CNTNAP4: variants seen among roughly 807,000 people sequenced by gnomAD.
CNTNAP4 encodes the protein contactin associated protein family member 4.
Under a neutral mutation model 148.4 loss-of-function variants are expected in CNTNAP4, and 98 were observed. The ratio of observed to expected loss-of-function variants is 0.66; its 90% CI spans 0.56 to 0.78. The LOEUF (loss-of-function observed/expected upper bound fraction) is 0.78. Among genes scored for constraint, CNTNAP4 ranks in the 30% least tolerant of loss-of-function variants. The probability of loss-of-function intolerance (pLI) is 0.00; values close to 1 mark genes in which losing one functional copy is unlikely to be tolerated. For synonymous variants in CNTNAP4, 730 were observed against 565.1 expected, an observed-to-expected ratio of 1.29 and a Z score of -4.14; for missense variants, 1,935 against 1,565.6, an observed-to-expected ratio of 1.24 and a Z score of -3.98.
At chr16:76,398,371 C>T (rs2078285130) in intron 3 of CNTNAP4, among the ~76,000 whole-genome samples, 1 of 152,020 alleles carries the variant, frequency 6.6e-6, no homozygotes, top group African/African-American at 2.4e-5. Context: ...CAATATTAAC[C>T]ATCACAATAC....
chr16:76,300,995 T>C (rs1959903300), intron 1 of CNTNAP4, among the ~76,000 whole-genome samples: 1 of 152,008 alleles, frequency 6.6e-6, no homozygotes, highest in East Asian at 1.9e-4. Context: ...AGTGCCTAGG[T>C]GATGAACAAG....
At chr16:76,537,388 A>G (rs191069065) in intron 18 of CNTNAP4, among the ~76,000 whole-genome samples, 34 of 152,242 alleles carry the variant, frequency 2.2e-4, no homozygotes, top group African/African-American at 7.9e-4. Context: ...AGATTCAGGG[A>G]TTTAAAACTA....
chr16:76,502,885 G>T (rs1299273925), intron 15 of CNTNAP4, among the ~76,000 whole-genome samples: 1 of 151,860 alleles, frequency 6.6e-6, no homozygotes, highest in Non-Finnish European at 1.5e-5. Context: ...GAAAAATGTA[G>T]ATCAGCCATG....
intron 3 of CNTNAP4, among the ~76,000 whole-genome samples, chr16:76,416,708 G>A (rs1382090299): frequency 2.0e-5 from 3 of 151,404 alleles, no homozygotes; most frequent in African/African-American, 7.2e-5. Context: ...GTCTGCTGTT[G>A]TTGGGTGAAA....
At chr16:76,430,261 A>G (rs1419527830) in intron 4 of CNTNAP4, among the ~76,000 whole-genome samples, 3 of 152,228 alleles carry the variant, frequency 2.0e-5, no homozygotes, top group African/African-American at 7.2e-5. Flanking sequence ...GTAGGGAAGC[A>G]GGCACATGAA....
In CNTNAP4 at chr16:76,510,923, T is replaced by C. The variant is rs553809159; in HGVS notation, c.2366-10217T>C. Among the ~76,000 whole-genome samples the C allele has an allele frequency of 1.2e-4, 18 of 152,282 alleles. No individual in the cohort carries two copies. In the South Asian group the frequency reaches 3.5e-3, roughly 30 times the overall value. ...CCATACTGGTTTTTTTCACCTTGTA[T>C]GTGACTTGCTTTTTCTGTCTGAATA... On this transcript the variant is annotated intron_variant, in intron 15 of 23. Coordinates refer to ENST00000611870, the MANE Select transcript of CNTNAP4 (RefSeq NM_033401.5).
intron 1 of CNTNAP4, among the ~76,000 whole-genome samples, chr16:76,298,528 G>A (rs1959574061): frequency 7.5e-6 from 1 of 133,296 alleles, no homozygotes; most frequent in African/African-American, 2.6e-5. Context: ...GTGTGTGTGT[G>A]TGAGGTAAGG....
intron 3 of CNTNAP4, among the ~76,000 whole-genome samples, chr16:76,363,247 C>T (rs912515909): frequency 1.3e-5 from 2 of 150,328 alleles, no homozygotes; most frequent in Non-Finnish European, 2.9e-5. Context: ...ATTGCAACTT[C>T]TGCCTCCTGG....
In CNTNAP4 at chr16:76,520,180, C is replaced by T. The variant is rs546563928; in HGVS notation, c.2366-960C>T. 8.5e-5 allele frequency among the ~76,000 whole-genome samples: 13 copies of T among 152,302 alleles called. No homozygotes were observed. The East Asian group carries it at 2.5e-3, about 29-fold the overall frequency. ...AACTTGCTAGTGGCAGCAGACAATA[C>T]AGAGTTTGTTTCTCTGATTTTACTC... On this transcript the variant is annotated intron_variant, in intron 15 of 23. Transcript: ENST00000611870.
chr16:76,355,536 G>C (rs745487653), intron 3 of CNTNAP4, 25 bp downstream of exon 3: 1 of 1,545,930 alleles, frequency 6.5e-7, no homozygotes, highest in Admixed American at 2.0e-5. Context: ...AAAAGACATA[G>C]TCTCTCGGGG....
chr16:76,536,023 A>T (rs1009616767), intron 18 of CNTNAP4, among the ~76,000 whole-genome samples: 3 of 152,106 alleles, frequency 2.0e-5, no homozygotes, highest in Admixed American at 6.5e-5. Flanking sequence ...TTTATGAAAA[A>T]CTAGTGTTTG....
At chr16:76,470,666 A>G (rs2081336807) in intron 10 of CNTNAP4, among the ~76,000 whole-genome samples, 1 of 151,424 alleles carries the variant, frequency 6.6e-6, no homozygotes, top group African/African-American at 2.4e-5. Context: ...ACAAAAACAA[A>G]CAAACAAAAA....
chr16:76,450,253 G>A (rs796472198), intron 7 of CNTNAP4, among the ~76,000 whole-genome samples: 8 of 152,058 alleles, frequency 5.3e-5, no homozygotes, highest in African/African-American at 1.9e-4. Flanking sequence ...AGATTCAAGC[G>A]ATTCTCCTAC....
chr16:76,508,943 T>A (rs1369673489), intron 15 of CNTNAP4, among the ~76,000 whole-genome samples: 1 of 94,448 alleles, frequency 1.1e-5, no homozygotes, highest in Non-Finnish European at 3.0e-5. Flanking sequence ...AGTAGAGACG[T>A]GGTTTCACCA....
At chr16:76,400,165 G>A (rs1326958475) in intron 3 of CNTNAP4, among the ~76,000 whole-genome samples, 2 of 152,100 alleles carry the variant, frequency 1.3e-5, no homozygotes, top group Non-Finnish European at 2.9e-5. Flanking sequence ...AGATGAAGGA[G>A]CCAGTCAAGG....
intron 3 of CNTNAP4, among the ~76,000 whole-genome samples, chr16:76,383,425 C>T (rs1459973395): frequency 7.5e-6 from 1 of 133,848 alleles, no homozygotes; most frequent in Non-Finnish European, 1.6e-5. Flanking sequence ...TATCATGTAA[C>T]AACAGAGGGG....
chr16:76,391,278 A>G (rs1191905299), intron 3 of CNTNAP4, among the ~76,000 whole-genome samples: 5 of 152,148 alleles, frequency 3.3e-5, no homozygotes, highest in Non-Finnish European at 7.4e-5. Context: ...CACTTCCTCC[A>G]TATGAACTCA....
intron 1 of CNTNAP4, among the ~76,000 whole-genome samples, chr16:76,280,953 G>T (rs2143735023): frequency 6.6e-6 from 1 of 152,154 alleles, no homozygotes; most frequent in Middle Eastern, 3.4e-3. Context: ...TGTGAGGGAG[G>T]CTCTCTAGTT....
intron 15 of CNTNAP4, among the ~76,000 whole-genome samples, chr16:76,505,849 A>T (rs1315929408): frequency 3.1e-5 from 3 of 96,600 alleles, no homozygotes; most frequent in African/African-American, 7.8e-5. Flanking sequence ...GCAGTGAGCT[A>T]TGATTGCACC....
Sources: allele counts gnomAD v4.1 joint callset (sites outside exome capture counted in the v4.1 genomes callset), GRCh38; gene constraint gnomAD v4.1.1; transcripts MANE v1.5; gene names NCBI Gene and HGNC (gene_info 2026-07-23, HGNC 2026-07-21).